The following KDM2A variants were observed in gnomAD, a reference collection of about 807,000 sequenced individuals.
The protein encoded by KDM2A is lysine demethylase 2A, also known as lysine-specific demethylase 2A.
A neutral mutation model predicts 137.3 loss-of-function variants in KDM2A; 3 were observed. The observed-to-expected ratio is 0.02, with a 90% CI of 0.01 to 0.06. The LOEUF is 0.06. KDM2A is among the 10% of genes least tolerant of loss of function. The pLI, the probability that KDM2A is intolerant of heterozygous loss-of-function variation, is 1.00. For synonymous variants in KDM2A, 512 were observed against 541.5 expected (o/e 0.95, Z 0.76); for missense variants, 738 against 1,510.6 (o/e 0.49, Z 8.48).
Position 67,207,463 on chromosome 11 carries a change from G to A in KDM2A, c.308-47G>A, listed in dbSNP as rs185719548. 1.1e-3 allele frequency: 1,515 copies of A among 1,395,416 alleles called. 1 individual carries two copies. The highest frequency in any genetic ancestry group is 0.011 in the Middle Eastern group (43 of 4,008). 86.4% of individuals were successfully genotyped at this position (1,395,416 alleles called of 1,614,324 possible). A position where few individuals can be genotyped will look rare whatever the true frequency, so the allele number is the denominator to read the frequency against. Reference sequence around the variant, plus strand: ...TAAAAAATATTCTTACTATATTTAAGGATATTAGTGGCTCGATAGAGATGA... The same window carrying A: ...TAAAAAATATTCTTACTATATTTAAAGATATTAGTGGCTCGATAGAGATGA... On this transcript the variant is annotated intron_variant, in intron 5 of 20. Transcript: ENST00000529006.
intron 5 of KDM2A, among the ~76,000 whole-genome samples, chr11:67,184,617 A>C (rs933977189): frequency 3.3e-5 from 5 of 152,102 alleles, no homozygotes; most frequent in Admixed American, 6.6e-5. Context: ...ACAGAGCGAG[A>C]CTCATCTCAA....
chr11:67,196,657 T>A, intron 5 of KDM2A: 1 of 355,944 alleles, frequency 2.8e-6, no homozygotes, highest in East Asian at 7.6e-5. Flanking sequence ...TCCACTGACA[T>A]GAAGTATATA....
chr11:67,225,559 T>C (rs1022906082), intron 10 of KDM2A, among the ~76,000 whole-genome samples: 3 of 151,950 alleles, frequency 2.0e-5, no homozygotes, highest in African/African-American at 4.8e-5. Flanking sequence ...TCACCTGACG[T>C]TGGGAGTTCG....
chr11:67,215,509 T>C (rs2136394780), intron 7 of KDM2A, 63 bp downstream of exon 7: 1 of 1,064,904 alleles, frequency 9.4e-7, no homozygotes, highest in Non-Finnish European at 1.4e-6. Context: ...TAGCAAGGAT[T>C]GGCTTCTCCC....
chr11:67,120,007 T>G lies in KDM2A; in HGVS notation c.-126T>G, dbSNP rs957805019. Reference sequence around the variant, plus strand: ...AATTATTCCTCTCAGCTTTGGAATCTTTTACTTCTCACTTGGACAAGAACT... The same window carrying G: ...AATTATTCCTCTCAGCTTTGGAATCGTTTACTTCTCACTTGGACAAGAACT... On this transcript the variant is annotated 5_prime_UTR_variant, in exon 1 of 21. Coordinates refer to ENST00000529006, the MANE Select transcript of KDM2A (RefSeq NM_012308.3). 2.6e-5 allele frequency: 4 copies of G among 152,466 alleles called. No homozygotes were observed. Among genetic ancestry groups the G allele is most frequent in the African/African-American group, 7.2e-5 (3 of 41,594 alleles). The allele number at this position is 152,466 out of a possible 1,614,324, so 9.4% of individuals were successfully genotyped here. A position where few individuals can be genotyped will look rare whatever the true frequency, so the allele number is the denominator to read the frequency against.
At position 67,250,607 on chromosome 11, in the gene KDM2A, A is replaced by AGAGGAG; in HGVS notation, c.2592_2597dup (p.Glu865_Glu866dup). 5.0e-6 allele frequency: 8 copies of AGAGGAG among 1,611,242 alleles called. No individual in the cohort carries two copies. The highest frequency in any genetic ancestry group is 3.3e-5 in the Admixed American group (2 of 59,722). On this transcript the variant is annotated inframe_insertion, in exon 17 of 21. Transcript: ENST00000529006. This position sits in a 1 kb window ranked among gnomAD's most constrained non-coding sequence, Gnocchi z 7.1. The stretch of plus-strand genomic sequence containing the variant: ...AGGGGCTGGGGGGAGAGGAGGAGGA[A>AGAGGAG]GAGGAGGAGGAGGAGGAGGAAGATG...
Position 67,250,629 on chromosome 11 carries a change from G to T in KDM2A, c.2599G>T (p.Asp867Tyr), listed in dbSNP as rs1235781109. The T allele has an allele frequency of 1.2e-5, 19 of 1,612,978 alleles. No homozygotes were observed. Among genetic ancestry groups the T allele is most frequent in the Non-Finnish European group, 1.6e-5 (19 of 1,179,276 alleles). ...GGAAGAGGAGGAGGAGGAGGAGGAA[G>T]ATGACAGTGCAGAGGAGGGGGGTGC... Reference protein sequence around the residue: ...EEEEEEEEEEDDSAEEGGAAR... With the variant: ...EEEEEEEEEEYDSAEEGGAAR... The change falls in exon 17 of 21, where the codon GAT (aspartate) becomes TAT (tyrosine). Residue 867 changes from aspartate (D) to tyrosine (Y), a missense_variant. Asp to Tyr is a radical substitution (Grantham distance 160). Coordinates refer to ENST00000529006, the MANE Select transcript of KDM2A (RefSeq NM_012308.3). The surrounding 1 kb of genome is among the most constrained non-coding windows in gnomAD (Gnocchi z 7.1).
intron 10 of KDM2A, among the ~76,000 whole-genome samples, chr11:67,220,160 C>T (rs954619539): frequency 3.3e-5 from 5 of 151,992 alleles, no homozygotes; most frequent in Non-Finnish European, 5.9e-5. Context: ...TACAGGCACA[C>T]GCCACCACAT....
chr11:67,130,442 G>A (rs1210409483), intron 2 of KDM2A, among the ~76,000 whole-genome samples: 1 of 152,152 alleles, frequency 6.6e-6, no homozygotes, highest in Non-Finnish European at 1.5e-5. Flanking sequence ...ACCATGCCCG[G>A]CCTTAAGCTC....
intron 2 of KDM2A, among the ~76,000 whole-genome samples, chr11:67,149,949 C>T (rs537166596): frequency 3.9e-5 from 6 of 152,118 alleles, no homozygotes; most frequent in African/African-American, 9.6e-5. Context: ...CTTGAACTCC[C>T]GACCTCAGGT....
At chr11:67,189,816 G>A (rs561297555) in intron 5 of KDM2A, among the ~76,000 whole-genome samples, 128 of 152,214 alleles carry the variant, frequency 8.4e-4, no homozygotes, top group African/African-American at 3.0e-3. Flanking sequence ...TCCAGCCGGG[G>A]CAACAAAGTG....
At chr11:67,248,416 C>T in intron 16 of KDM2A, 46 bp downstream of exon 16, 1 of 1,321,496 alleles carries the variant, frequency 7.6e-7, no homozygotes, top group Non-Finnish European at 1.1e-6. Context: ...AAGGAGGCAT[C>T]AAATGTGGGG....
At chr11:67,173,322 G>A (rs571825248) in intron 2 of KDM2A, among the ~76,000 whole-genome samples, 48 of 152,316 alleles carry the variant, frequency 3.2e-4, no homozygotes, top group Non-Finnish European at 6.0e-4. Flanking sequence ...GGGTTTCTCC[G>A]TGTTGATCAG....
chr11:67,159,914 GA>G (rs1420788644), intron 2 of KDM2A, among the ~76,000 whole-genome samples: 29 of 152,162 alleles, frequency 1.9e-4, no homozygotes, highest in Non-Finnish European at 3.4e-4. Context: ...ATGAGATGAT[GA>G]AAAAATTCGG....
chr11:67,158,045 A>G (rs976625661), intron 2 of KDM2A, among the ~76,000 whole-genome samples: 2 of 152,064 alleles, frequency 1.3e-5, no homozygotes, highest in Admixed American at 6.6e-5. Flanking sequence ...CCACCATTAC[A>G]GTATCATATA....
chr11:67,194,483 A>G (rs1406870156), intron 5 of KDM2A, among the ~76,000 whole-genome samples: 1 of 152,216 alleles, frequency 6.6e-6, no homozygotes, highest in East Asian at 1.9e-4. Flanking sequence ...ATCAGGAGTT[A>G]TATATACTGT....
chr11:67,205,699 C>G (rs1350893113), intron 5 of KDM2A, among the ~76,000 whole-genome samples: 3 of 152,016 alleles, frequency 2.0e-5, no homozygotes, highest in Non-Finnish European at 4.4e-5. Flanking sequence ...CCAGGCTGGT[C>G]TCAAACTCCT....
intron 13 of KDM2A, among the ~76,000 whole-genome samples, chr11:67,244,294 A>G (rs12288048): frequency 0.16 from 24,778 of 152,240 alleles, 4,470 homozygotes; most frequent in African/African-American, 0.45. Flanking sequence ...GGGTAAATGC[A>G]AATGCTAAGA....
chr11:67,208,929 T>A (rs1429278074), intron 6 of KDM2A, among the ~76,000 whole-genome samples: 1 of 151,886 alleles, frequency 6.6e-6, no homozygotes, highest in Non-Finnish European at 1.5e-5. Flanking sequence ...ATAAACATTT[T>A]TATTATTTAT....
Sources: allele counts gnomAD v4.1 joint callset (sites outside exome capture counted in the v4.1 genomes callset), GRCh38; gene constraint gnomAD v4.1.1; non-coding constraint Gnocchi (gnomAD v3.1); transcripts MANE v1.5; gene names NCBI Gene and HGNC (gene_info 2026-07-23, HGNC 2026-07-21).